SMN2: variants seen among roughly 807,000 people sequenced by gnomAD.
SMN2 encodes survival motor neuron protein.
Under a neutral mutation model 2.8 loss-of-function variants are expected in SMN2, and 1 was observed. The ratio of observed to expected loss-of-function variants is 0.35; its 90% CI spans 0.13 to 1.68. The LOEUF is 1.68. Ranked by LOEUF, SMN2 falls within the 40% of genes most tolerant of loss-of-function variation. The pLI, the probability that SMN2 is intolerant of heterozygous loss-of-function variation, is 0.35. For missense variants in SMN2, 12 were observed against 16.9 expected (o/e 0.71, Z 0.51); for synonymous variants, 5 against 5.0 (o/e 0.99, Z 0.01).
chr5:70,083,513 T>C (rs1359101624), downstream of SMN2, among the ~76,000 whole-genome samples: 7 of 135,978 alleles, frequency 5.1e-5, 2 homozygotes, highest in Middle Eastern at 3.2e-3. Context: ...GTATGTTTAT[T>C]GCGGCACTAT....
downstream of SMN2, among the ~76,000 whole-genome samples, chr5:70,079,672 A>C: frequency 7.3e-6 from 1 of 137,728 alleles, no homozygotes; most frequent in East Asian, 2.1e-4. Flanking sequence ...CAAAAGGATC[A>C]CTTGAGTACA....
In SMN2 at chr5:70,076,730, T is replaced by G. The variant is rs1304845402; in HGVS notation, c.*3+156T>G. 110 of 1,221,286 alleles carry G rather than the reference T, an allele frequency of 9.0e-5. 16 individuals carry two copies. Among genetic ancestry groups the G allele is most frequent in the Non-Finnish European group, 1.1e-4 (101 of 914,860 alleles). 75.7% of individuals were successfully genotyped at this position (1,221,286 alleles called of 1,614,324 possible). ...TATTAAAGAATTTTGATGCCAAAACTATTAGATAAAAGGTTAATCTACATC... is the reference window on the plus strand; with the variant it reads ...TATTAAAGAATTTTGATGCCAAAACGATTAGATAAAAGGTTAATCTACATC... On this transcript the variant is annotated intron_variant, in intron 8 of 8. Transcript: ENST00000380743.
chr5:70,084,756 G>T, the SMN2 span, among the ~76,000 whole-genome samples: 1 of 136,830 alleles, frequency 7.3e-6, no homozygotes, highest in Admixed American at 7.3e-5. Flanking sequence ...TTAACTATTT[G>T]TTTTTATTTT....
At chr5:70,085,141 G>A in the SMN2 span, among the ~76,000 whole-genome samples, 173 of 128,528 alleles carry the variant, frequency 1.3e-3, 22 homozygotes, top group Middle Eastern at 3.5e-3. Context: ...GTGCATGCGG[G>A]CTGTGAGGTG....
At chr5:70,083,455 T>C (rs1420201792), downstream of SMN2, among the ~76,000 whole-genome samples, 1 of 136,164 alleles carries the variant, frequency 7.3e-6, no homozygotes, top group Non-Finnish European at 1.5e-5. Context: ...TTACTGGGTA[T>C]ATACCCAAAG....
chr5:70,070,191 G>GA (rs1196831209), intron 6 of SMN2, among the ~76,000 whole-genome samples: 1 of 131,520 alleles, frequency 7.6e-6, no homozygotes, highest in Non-Finnish European at 1.6e-5. Flanking sequence ...GGAAAAGCAT[G>GA]AAAGTATTTA....
chr5:70,084,572 G>C, the SMN2 span, among the ~76,000 whole-genome samples: 2 of 137,170 alleles, frequency 1.5e-5, 1 homozygote, highest in African/African-American at 6.1e-5. Context: ...TGGAGAGTTT[G>C]TTTCCTGCAA....
chr5:70,079,771 C>A (rs1388610703), downstream of SMN2, among the ~76,000 whole-genome samples: 1 of 121,202 alleles, frequency 8.3e-6, no homozygotes, highest in Admixed American at 8.4e-5. Flanking sequence ...AAAAAAAAAC[C>A]AAACCAAAGC....
chr5:70,079,758 CA>C (rs543527450), downstream of SMN2, among the ~76,000 whole-genome samples: 104 of 98,026 alleles, frequency 1.1e-3, no homozygotes, highest in Middle Eastern at 4.5e-3. Context: ...GACCCTGTCT[CA>C]AAAAAAAAAA....
At chr5:70,085,382 T>C in the SMN2 span, among the ~76,000 whole-genome samples, 1 of 134,812 alleles carries the variant, frequency 7.4e-6, no homozygotes, top group Non-Finnish European at 1.5e-5. Flanking sequence ...GCTGGGATTA[T>C]AGGCACCCGC....
chr5:70,082,080 T>G (rs1774863629), downstream of SMN2, among the ~76,000 whole-genome samples: 1 of 136,182 alleles, frequency 7.3e-6, no homozygotes, highest in Non-Finnish European at 1.5e-5. Flanking sequence ...GAGGGATTGT[T>G]GAATTTTGTC....
the SMN2 span, among the ~76,000 whole-genome samples, chr5:70,088,490 T>C: frequency 1.5e-5 from 1 of 68,556 alleles, no homozygotes; most frequent in Non-Finnish European, 2.4e-5. Context: ...CAGGCTGGAG[T>C]GCAGTGGCGT....
chr5:70,079,554 A>G (rs1304314563), downstream of SMN2, among the ~76,000 whole-genome samples: 1 of 142,996 alleles, frequency 7.0e-6, no homozygotes, highest in Non-Finnish European at 1.5e-5. Flanking sequence ...CCAGGAGTTC[A>G]AGACCAGCAT....
chr5:70,075,748 A>G (rs1328305849), intron 7 of SMN2, among the ~76,000 whole-genome samples: 1 of 121,028 alleles, frequency 8.3e-6, no homozygotes, highest in Non-Finnish European at 1.7e-5. Context: ...TTCACAGCTC[A>G]CTGCAGCCTT....
downstream of SMN2, among the ~76,000 whole-genome samples, chr5:70,079,439 A>AAAC (rs1774821217): frequency 1.3e-5 from 2 of 149,758 alleles, no homozygotes; most frequent in African/African-American, 5.0e-5. Context: ...CTCAAAAAAA[A>AAAC]AAAAAAAAAA....
chr5:70,081,940 G>A (rs1201951278), downstream of SMN2, among the ~76,000 whole-genome samples: 2 of 101,074 alleles, frequency 2.0e-5, no homozygotes, highest in Non-Finnish European at 3.8e-5. Context: ...TGTCTTGTGC[G>A]TGTTTTCAAA....
the SMN2 span, among the ~76,000 whole-genome samples, chr5:70,084,128 T>G: frequency 5.1e-5 from 4 of 78,046 alleles, no homozygotes. Flanking sequence ...AGTCAGCATC[T>G]TTAGGATTAA....
chr5:70,070,783 AT>A, intron 7 of SMN2, 32 bp downstream of exon 7: 4 of 43,542 alleles, frequency 9.2e-5, no homozygotes, highest in Admixed American at 3.5e-4. Context: ...TTTCCTGACA[AT>A]TTTTTTGTAG....
chr5:70,076,510 T>G lies in SMN2; in HGVS notation c.835-11T>G. On this transcript the variant is annotated splice_polypyrimidine_tract_variant and intron_variant, in intron 7 of 8. Transcript: ENST00000380743. ...AGCTATTTTTTTTAACTTCCTTTAT[T>G]TTCCTTACAGGGTTTTAGACAAAAT... 1.4e-6 allele frequency: 2 copies of G among 1,454,086 alleles called. 1 individual carries two copies. Among genetic ancestry groups the G allele is most frequent in the South Asian group, 2.4e-5 (2 of 84,864 alleles). The allele number at this position is 1,454,086 out of a possible 1,614,324, so 90.1% of individuals were successfully genotyped here.
Sources: allele counts gnomAD v4.1 joint callset (sites outside exome capture counted in the v4.1 genomes callset), GRCh38; gene constraint gnomAD v4.1.1; transcripts MANE v1.5; gene names NCBI Gene and HGNC (gene_info 2026-07-23, HGNC 2026-07-21).